The following SDK1 variants were observed in gnomAD, a reference collection of about 807,000 sequenced individuals.
SDK1 encodes protein sidekick-1.
In SDK1, 157 loss-of-function variants were observed where a neutral mutation model predicts 245.5. The ratio of observed to expected loss-of-function variants is 0.64; its 90% confidence interval spans 0.56 to 0.73. The LOEUF is 0.73. SDK1 is among the 30% of genes least tolerant of loss of function. The probability of loss-of-function intolerance (pLI) is 0.00; values close to 1 mark genes in which losing one functional copy is unlikely to be tolerated. For synonymous variants in SDK1, 1,647 were observed against 1,278.5 expected (o/e 1.29, Z -6.15); for missense variants, 3,583 against 3,002.3 (o/e 1.19, Z -4.52).
chr7:3,352,296 G>T (rs192561398), intron 1 of SDK1, among the ~76,000 whole-genome samples: 1 of 151,566 alleles, frequency 6.6e-6, no homozygotes, highest in African/African-American at 2.4e-5. Flanking sequence ...CTTGATACAC[G>T]TTCCAGAGAT....
Position 4,110,687 on chromosome 7 carries a change from G to A in SDK1, c.3349G>A (p.Glu1117Lys), listed in dbSNP as rs1460281943. The A allele has an allele frequency of 1.1e-5, 18 of 1,613,706 alleles. No homozygotes were observed. The highest frequency in any genetic ancestry group is 1.7e-4 in the Middle Eastern group (1 of 5,998). ...GQVGAIGDEE[E>K]WVTLYEEENE... Reference sequence around the variant, plus strand: ...GGTGGGAGCTATCGGCGACGAGGAGGAGTGGGTCACCCTCTATGAAGAGGA... The same window carrying A: ...GGTGGGAGCTATCGGCGACGAGGAGAAGTGGGTCACCCTCTATGAAGAGGA... Residue 1117 changes from glutamate (E) to lysine (K), a missense_variant, in exon 23 of 45, where the codon GAG (glutamate) becomes AAG (lysine). Physicochemically the swap from Glu to Lys is moderately conservative, Grantham distance 56 (BLOSUM62 1). Transcript: ENST00000404826.
intron 1 of SDK1, among the ~76,000 whole-genome samples, chr7:3,342,428 A>G (rs754949527): frequency 2.0e-5 from 3 of 152,074 alleles, no homozygotes; most frequent in Non-Finnish European, 4.4e-5. Context: ...GTCTCTACTA[A>G]AAATACAAAA....
chr7:3,463,760 C>T (rs1780905357), intron 1 of SDK1, among the ~76,000 whole-genome samples: 1 of 152,200 alleles, frequency 6.6e-6, no homozygotes, highest in African/African-American at 2.4e-5. Context: ...GCTGGTCTCT[C>T]CATACATTTC....
chr7:3,647,851 T>C, intron 4 of SDK1, among the ~76,000 whole-genome samples: 1 of 152,120 alleles, frequency 6.6e-6, no homozygotes, highest in Non-Finnish European at 1.5e-5. Flanking sequence ...AGTCGTGTAA[T>C]GTCCACAGAC....
chr7:4,209,002 A>G (rs1784380076), intron 37 of SDK1, among the ~76,000 whole-genome samples: 1 of 152,094 alleles, frequency 6.6e-6, no homozygotes, highest in Non-Finnish European at 1.5e-5. Context: ...AGGTCTGGGA[A>G]CCGTGGGCAG....
At chr7:4,087,117 A>C (rs1291629516) in intron 22 of SDK1, among the ~76,000 whole-genome samples, 1 of 151,176 alleles carries the variant, frequency 6.6e-6, no homozygotes, top group Non-Finnish European at 1.5e-5. Flanking sequence ...GGTTTTCCCC[A>C]CTTTCAGGTT....
chr7:3,935,484 T>A (rs961233244), intron 5 of SDK1, among the ~76,000 whole-genome samples: 2 of 152,040 alleles, frequency 1.3e-5, no homozygotes, highest in African/African-American at 4.8e-5. Context: ...ACATATATAA[T>A]AAGGGATTAA....
At position 3,762,472 on chromosome 7, in the gene SDK1, ATGGTATTTTTG is replaced by A. The variant is rs1221943289; in HGVS notation, c.714-58967_714-58957del. ...AGTACTTCATTTTTCTTAAACATGCATGGTATTTTTGTGGTATTTTTAACTTTCACCGATAC... is the reference window on the plus strand; with the variant it reads ...AGTACTTCATTTTTCTTAAACATGCATGGTATTTTTAACTTTCACCGATAC... On this transcript the variant is annotated intron_variant, in intron 4 of 44. Coordinates refer to ENST00000404826, the MANE Select transcript of SDK1 (RefSeq NM_152744.4). 5.3e-5 allele frequency among the ~76,000 whole-genome samples: 8 copies of A among 152,350 alleles called. No individual in the cohort carries two copies. In the South Asian group the frequency reaches 1.5e-3, roughly 28 times the overall value.
intron 1 of SDK1, among the ~76,000 whole-genome samples, chr7:3,350,977 G>T (rs58713621): frequency 6.6e-6 from 1 of 152,082 alleles, no homozygotes; most frequent in African/African-American, 2.4e-5. Flanking sequence ...ACATCTGGTT[G>T]CCCCAAGAAT....
chr7:3,744,818 A>T (rs1396615907), intron 4 of SDK1, among the ~76,000 whole-genome samples: 3 of 151,988 alleles, frequency 2.0e-5, no homozygotes, highest in African/African-American at 7.3e-5. Flanking sequence ...TCTCAAAAAA[A>T]CAAACAAACA....
At chr7:3,353,007 T>A (rs898462771) in intron 1 of SDK1, among the ~76,000 whole-genome samples, 3 of 152,244 alleles carry the variant, frequency 2.0e-5, no homozygotes, top group Non-Finnish European at 4.4e-5. Flanking sequence ...ATAAAGGGTA[T>A]GTGAAATGTT....
chr7:3,536,238 G>T (rs369139911), intron 1 of SDK1, among the ~76,000 whole-genome samples: 39,036 of 149,282 alleles, frequency 0.26, 5,325 homozygotes, highest in East Asian at 0.33. Context: ...TTTTTTGTGT[G>T]TGTGTTTTTA....
rs187855521 is a variant in SDK1 at position 3,476,008 on chromosome 7, A to G, written c.299-143072A>G. ...TCCTGCTTATTATCTTTTGGTAATT[A>G]AAACTTTTCCTATTCATCATCAAAA... On this transcript the variant is annotated intron_variant, in intron 1 of 44. Coordinates refer to ENST00000404826, the MANE Select transcript of SDK1 (RefSeq NM_152744.4). 14 of 152,798 alleles carry G rather than the reference A, an allele frequency of 9.2e-5. No individual in the cohort carries two copies. The East Asian group carries it at 2.3e-3, about 25-fold the overall frequency. The allele number at this position is 152,798 out of a possible 1,614,324, so 9.5% of individuals were successfully genotyped here.
chr7:4,194,175 G>C (rs919838763), intron 35 of SDK1, among the ~76,000 whole-genome samples: 3 of 152,018 alleles, frequency 2.0e-5, no homozygotes, highest in African/African-American at 7.2e-5. Flanking sequence ...GTTCCCTAGA[G>C]GGACAGAACT....
intron 4 of SDK1, among the ~76,000 whole-genome samples, chr7:3,798,235 T>G (rs973784808): frequency 8.6e-5 from 8 of 93,308 alleles, no homozygotes; most frequent in Non-Finnish European, 1.4e-4. Flanking sequence ...TTTTTTTTTT[T>G]GAGACAGATT....
At position 4,205,942 on chromosome 7, in the gene SDK1, C is replaced by A. The variant is rs542998020; in HGVS notation, c.5162C>A (p.Thr1721Lys). 12 of 1,564,766 alleles carry A rather than the reference C, an allele frequency of 7.7e-6. No homozygotes were observed. The South Asian group carries it at 1.3e-4, about 17-fold the overall frequency. Residue 1721 changes from threonine (T) to lysine (K), a missense_variant, in exon 36 of 45, where the codon ACG (threonine) becomes AAG (lysine). Coordinates refer to ENST00000404826, the MANE Select transcript of SDK1 (RefSeq NM_152744.4). ...CTCACGGCCAGCCAGCTGGAGGTCA[C>A]GTGGGACCCACCACCCCCGGAGAGC... Reference protein sequence around the residue: ...TPLTASQLEVTWDPPPPESQN... With the variant: ...TPLTASQLEVKWDPPPPESQN...
At chr7:3,561,831 A>G (rs1779761615) in intron 1 of SDK1, among the ~76,000 whole-genome samples, 9 of 152,254 alleles carry the variant, frequency 5.9e-5, no homozygotes, top group Admixed American at 5.9e-4. Context: ...AAAATTCATT[A>G]TAAGACTGGC....
chr7:3,456,686 A>G (rs1417751791), intron 1 of SDK1, among the ~76,000 whole-genome samples: 1 of 152,068 alleles, frequency 6.6e-6, no homozygotes, highest in Non-Finnish European at 1.5e-5. Flanking sequence ...ATTCCAACAT[A>G]TGTCTCTTCT....
intron 4 of SDK1, among the ~76,000 whole-genome samples, chr7:3,794,044 A>G (rs551757697): frequency 6.6e-6 from 1 of 152,314 alleles, no homozygotes; most frequent in East Asian, 1.9e-4. Context: ...AATATGTTTC[A>G]TCTTTAAGAA....
Sources: allele counts gnomAD v4.1 joint callset (sites outside exome capture counted in the v4.1 genomes callset), GRCh38; gene constraint gnomAD v4.1.1; transcripts MANE v1.5; gene names NCBI Gene and HGNC (gene_info 2026-07-23, HGNC 2026-07-21).